DMAP1: variants seen among roughly 807,000 people sequenced by gnomAD.
DMAP1 encodes DNA methyltransferase 1 associated protein 1.
A neutral mutation model predicts 52.7 loss-of-function variants in DMAP1; 26 were observed. The observed-to-expected ratio is 0.49, with a 90% CI of 0.36 to 0.68. The LOEUF (loss-of-function observed/expected upper bound fraction) is 0.68. Among genes scored for constraint, DMAP1 ranks in the 30% least tolerant of loss-of-function variants. The pLI, the probability that DMAP1 is intolerant of heterozygous loss-of-function variation, is 0.00. For synonymous variants in DMAP1, 231 were observed against 246.0 expected, an observed-to-expected ratio of 0.94 and a Z score of 0.57; for missense variants, 439 against 625.2, an observed-to-expected ratio of 0.70 and a Z score of 3.18.
intron 3 of DMAP1, chr1:44,216,227 AT>A (rs796720370): frequency 0.026 from 3,824 of 145,686 alleles, 165 homozygotes; most frequent in African/African-American, 0.089. Context: ...GTTCCTGAGG[AT>A]TTTTTTTTTT....
chr1:44,214,179 G>A (rs1643741460), intron 1 of DMAP1, among the ~76,000 whole-genome samples, 171 bp from the exon 2 acceptor site: 1 of 152,196 alleles, frequency 6.6e-6, no homozygotes. Context: ...GGACTGCTCT[G>A]ATTTGGGCGT....
rs1338929116 is a variant in DMAP1 at position 44,219,242 on chromosome 1, G to A, written c.906+1G>A. On this transcript the variant is annotated splice_donor_variant, in intron 6 of 9. Transcript: ENST00000372289. LOFTEE classifies it high-confidence loss of function. ...CCAGAAAAAGGAGGCTGAGAAGCCG[G>A]TGCGGAGGTTCCGCCAGCCTAGCTC... The A allele has an allele frequency of 1.9e-6, 3 of 1,612,168 alleles. No individual in the cohort carries two copies. The highest frequency in any genetic ancestry group is 2.5e-6 in the Non-Finnish European group (3 of 1,179,470).
Position 44,214,778 on chromosome 1 carries a change from G to A in DMAP1, c.273G>A (p.Lys91=). ...TGAAGGCCAAGTTGGGCTCCAAGAAGGTGCGGCCTTGGAAGTGGATGCCAT... is the reference window on the plus strand; with the variant it reads ...TGAAGGCCAAGTTGGGCTCCAAGAAAGTGCGGCCTTGGAAGTGGATGCCAT... ...RTVKAKLGSK[K]VRPWKWMPFT... is the part of the protein sequence containing the mutation. Residue 91 remains lysine, a synonymous_variant, in exon 3 of 10, where the codon AAG becomes AAA. Transcript: ENST00000372289. 1 of 1,614,188 alleles carries A rather than the reference G, an allele frequency of 6.2e-7. No homozygotes were observed. The highest frequency in any genetic ancestry group is 8.5e-7 in the Non-Finnish European group (1 of 1,180,020).
Position 44,218,298 on chromosome 1 carries a change from T to C in DMAP1, c.394-13T>C, listed in dbSNP as rs758363205. 2 of 1,614,130 alleles carry C rather than the reference T, an allele frequency of 1.2e-6. No individual in the cohort carries two copies. Among genetic ancestry groups the C allele is most frequent in the East Asian group, 4.5e-5 (2 of 44,902 alleles). The stretch of plus-strand genomic sequence containing the variant: ...TGCGGGCATGCCCCTACTGTGTCCC[T>C]CTGTGCTAGTAGACTGTGCAGGTGC... On this transcript the variant is annotated splice_polypyrimidine_tract_variant and intron_variant, in intron 3 of 9. Coordinates refer to ENST00000372289, the MANE Select transcript of DMAP1 (RefSeq NM_019100.5). This position sits in a 1 kb window ranked among gnomAD's most constrained non-coding sequence, Gnocchi z 5.6.
rs374865582 is a variant in DMAP1 at position 44,218,276 on chromosome 1, G to A, written c.394-35G>A. The A allele has an allele frequency of 1.1e-5, 17 of 1,614,008 alleles. No homozygotes were observed. Among genetic ancestry groups the A allele is most frequent in the Non-Finnish European group, 1.2e-5 (14 of 1,179,992 alleles). On this transcript the variant is annotated intron_variant, in intron 3 of 9. Coordinates refer to ENST00000372289, the MANE Select transcript of DMAP1 (RefSeq NM_019100.5). This position sits in a 1 kb window ranked among gnomAD's most constrained non-coding sequence, Gnocchi z 5.6. ...GAGCCTGCTGGACATGACATCATGC[G>A]GGCATGCCCCTACTGTGTCCCTCTG...
intron 2 of DMAP1, 55 bp downstream of exon 2, chr1:44,214,496 G>C: frequency 6.2e-7 from 1 of 1,613,340 alleles, no homozygotes; most frequent in Non-Finnish European, 8.5e-7. Context: ...CACCTGCCAT[G>C]CCCCTAACTC....
chr1:44,219,334 G>A, intron 6 of DMAP1, 72 bp from the exon 7 acceptor site: 1 of 1,551,534 alleles, frequency 6.4e-7, no homozygotes, highest in Non-Finnish European at 8.7e-7. Context: ...ACCCAGTGCT[G>A]ATGGGGTGCT....
rs199594206 is a variant in DMAP1, at chr1:44,218,421, C to G, written c.504C>G (p.Asp168Glu). The change falls in exon 4 of 10, where the codon GAC becomes GAG. Residue 168 changes from aspartate (D) to glutamate (E), a missense_variant. Physicochemically the swap from Asp to Glu is conservative, Grantham distance 45. Around this residue, in one of 3 missense-constraint regions of DMAP1, gnomAD observed 142 missense variants for 149.5 expected, o/e 0.95. Transcript: ENST00000372289. This position sits in a 1 kb window ranked among gnomAD's most constrained non-coding sequence, Gnocchi z 5.6. ...DHLFDLSRRF[D>E]LRFVVIHDRY... ...TCTTTGACCTCAGCCGCCGCTTTGA[C>G]CTGCGTTTTGTTGTTATCCATGACC... The G allele has an allele frequency of 5.3e-5, 86 of 1,614,232 alleles. No homozygotes were observed. The East Asian group carries it at 1.9e-3, about 36-fold the overall frequency.
Position 44,214,875 on chromosome 1 carries a change from T to C in DMAP1, c.370T>C (p.Tyr124His), listed in dbSNP as rs1390337174. Residue 124 changes from tyrosine to histidine, a missense_variant, in exon 3 of 10, where the codon TAC (tyrosine) becomes CAC (histidine). Physicochemically the swap from Tyr to His is moderately conservative, Grantham distance 83. Transcript: ENST00000372289. Reference protein sequence around the residue: ...WRRAAEEGKDYPFARFNKTVQ... With the variant: ...WRRAAEEGKDHPFARFNKTVQ... ...ACGTGCAGCGGAGGAGGGCAAGGAC[T>C]ACCCCTTTGCCAGGTTCAATAAGGT... 6.2e-7 allele frequency: 1 copy of C among 1,614,096 alleles called. No homozygotes were observed. Among genetic ancestry groups the C allele is most frequent in the Non-Finnish European group, 8.5e-7 (1 of 1,180,032 alleles).
At chr1:44,219,331 G>A in intron 6 of DMAP1, 75 bp from the exon 7 acceptor site, 2 of 1,552,602 alleles carry the variant, frequency 1.3e-6, no homozygotes, top group Non-Finnish European at 1.7e-6. Flanking sequence ...AGTACCCAGT[G>A]CTGATGGGGT....
At chr1:44,214,612 A>C (rs1359103491) in intron 2 of DMAP1, 91 bp from the exon 3 acceptor site, 1 of 1,613,328 alleles carries the variant, frequency 6.2e-7, no homozygotes, top group Non-Finnish European at 8.5e-7. Context: ...CTTTCTTGCT[A>C]TAGGGTAGGG....
Position 44,214,858 on chromosome 1 carries a change from C to T in DMAP1, c.353C>T (p.Ala118Val), listed in dbSNP as rs1376777307. The T allele has an allele frequency of 1.4e-5, 22 of 1,614,064 alleles. No individual in the cohort carries two copies. The highest frequency in any genetic ancestry group is 1.6e-4 in the Middle Eastern group (1 of 6,084). The change falls in exon 3 of 10, where the codon GCG becomes GTG. Residue 118 changes from alanine (A) to valine (V), a missense_variant. By Grantham distance (64) the Ala-to-Val change is moderately conservative. Around this residue, in one of 3 missense-constraint regions of DMAP1, gnomAD observed 118 missense variants for 189.8 expected, o/e 0.62. Coordinates refer to ENST00000372289, the MANE Select transcript of DMAP1 (RefSeq NM_019100.5). ...GAMFFHWRRA[A>V]EEGKDYPFAR... ...ATGTTCTTCCACTGGCGACGTGCAG[C>T]GGAGGAGGGCAAGGACTACCCCTTT...
At chr1:44,219,767 G>A (rs1643871156) in intron 7 of DMAP1, 39 bp from the exon 8 acceptor site, 1 of 1,610,744 alleles carries the variant, frequency 6.2e-7, no homozygotes, top group Non-Finnish European at 8.5e-7. Flanking sequence ...TAAGCCTCTT[G>A]TGGCTGGGAC....
At chr1:44,215,553 A>G (rs945257645) in intron 3 of DMAP1, 30 of 332,128 alleles carry the variant, frequency 9.0e-5, no homozygotes, top group African/African-American at 6.0e-4. Context: ...TCTTTCAAAT[A>G]AGAGCCGTCA....
Position 44,218,658 on chromosome 1 carries a change from T to C in DMAP1, c.623T>C (p.Val208Ala). The C allele has an allele frequency of 6.2e-7, 1 of 1,614,010 alleles. No individual in the cohort carries two copies. Among genetic ancestry groups the C allele is most frequent in the Non-Finnish European group, 8.5e-7 (1 of 1,179,914 alleles). ...GCTAAGCTTGCCAACGTGCGGGCTG[T>C]GCCAGGCACAGACCTTAAGATACCA... ...ICAKLANVRA[V>A]PGTDLKIPVF... is the part of the protein sequence containing the mutation. The change falls in exon 5 of 10, where the codon GTG (valine) becomes GCG (alanine). Residue 208 changes from valine (V) to alanine (A), a missense_variant. By Grantham distance (64) the Val-to-Ala change is moderately conservative. Transcript: ENST00000372289. The surrounding 1 kb of genome is among the most constrained non-coding windows in gnomAD (Gnocchi z 5.6).
In DMAP1 at chr1:44,219,258, A is replaced by G. The variant is rs1643857061; in HGVS notation, c.906+17A>G. 1 of 1,609,284 alleles carries G rather than the reference A, an allele frequency of 6.2e-7. No homozygotes were observed. Among genetic ancestry groups the G allele is most frequent in the South Asian group, 1.1e-5 (1 of 90,498 alleles). ...GAGAAGCCGGTGCGGAGGTTCCGCC[A>G]GCCTAGCTCAGGGTGGAAGGGTCAC... On this transcript the variant is annotated intron_variant, in intron 6 of 9. Transcript: ENST00000372289.
chr1:44,219,444 C>G lies in DMAP1; in HGVS notation c.945C>G (p.Phe315Leu), dbSNP rs763921450. ...PETAGIKFPD[F>L]KSAGVTLRSQ... ...CTGCAGGCATCAAGTTTCCAGACTT[C>G]AAGTCTGCAGGTGTCACGCTGCGGA... Residue 315 changes from phenylalanine to leucine, a missense_variant, in exon 7 of 10, where the codon TTC (phenylalanine) becomes TTG (leucine). Phe to Leu is a conservative substitution (Grantham distance 22). Coordinates refer to ENST00000372289, the MANE Select transcript of DMAP1 (RefSeq NM_019100.5). 6.3e-7 allele frequency: 1 copy of G among 1,594,260 alleles called. No homozygotes were observed. Among genetic ancestry groups the G allele is most frequent in the Non-Finnish European group, 8.5e-7 (1 of 1,172,428 alleles).
rs1324436132 is a variant in DMAP1 at position 44,218,368 on chromosome 1, G to A, written c.451G>A (p.Ala151Thr). The A allele has an allele frequency of 1.2e-6, 2 of 1,614,240 alleles. No homozygotes were observed. The highest frequency in any genetic ancestry group is 1.1e-5 in the South Asian group (1 of 91,088). Residue 151 changes from alanine to threonine, a missense_variant, in exon 4 of 10, where the codon GCT (alanine) becomes ACT (threonine). Transcript: ENST00000372289. The surrounding 1 kb of genome is among the most constrained non-coding windows in gnomAD (Gnocchi z 5.6). ...GTACCAGCTTTATCTCCACGATGATGCTTGGACTAAGGCAGAAACTGACCA... is the reference window on the plus strand; with the variant it reads ...GTACCAGCTTTATCTCCACGATGATACTTGGACTAAGGCAGAAACTGACCA... ...QEYQLYLHDD[A>T]WTKAETDHLF...
chr1:44,214,317 G>A, intron 1 of DMAP1, 33 bp from the exon 2 acceptor site: 1 of 1,598,974 alleles, frequency 6.3e-7, no homozygotes, highest in South Asian at 1.1e-5. Flanking sequence ...AAGGGTCTAG[G>A]TTGTGGTTCC....
Sources: gnomAD v4.1 joint callset for allele counts (sites outside exome capture counted in the v4.1 genomes callset) on GRCh38, gnomAD v4.1.1 for gene constraint, gnomAD v4.1.1 regional missense constraint, Gnocchi (gnomAD v3.1) non-coding constraint, MANE v1.5 for transcripts, NCBI Gene and HGNC (gene_info 2026-07-23, HGNC 2026-07-21) for gene names.